The following DNAJC17 variants were observed in gnomAD, a reference collection of about 807,000 sequenced individuals.
DNAJC17 encodes the protein DnaJ heat shock protein family (Hsp40) member C17.
A neutral mutation model predicts 48.1 loss-of-function variants in DNAJC17; 35 were observed. That is an observed-to-expected ratio of 0.73 (90% CI 0.56 to 0.96). DNAJC17 has a LOEUF of 0.96. Among genes scored for constraint, DNAJC17 ranks in the 50% least tolerant of loss-of-function variants. DNAJC17 has a pLI of 0.00. For synonymous variants in DNAJC17, 117 were observed against 142.7 expected, an observed-to-expected ratio of 0.82 and a Z score of 1.28; for missense variants, 355 against 377.1, an observed-to-expected ratio of 0.94 and a Z score of 0.48.
At chr15:40,795,140 A>C (rs1308682089) in intron 1 of DNAJC17, among the ~76,000 whole-genome samples, 2 of 152,036 alleles carry the variant, frequency 1.3e-5, no homozygotes, top group Non-Finnish European at 2.9e-5. Flanking sequence ...GGCTGGGCAC[A>C]GTGGCTCACG....
intron 1 of DNAJC17, among the ~76,000 whole-genome samples, chr15:40,805,638 C>T (rs1323523287): frequency 6.6e-6 from 1 of 150,512 alleles, no homozygotes; most frequent in Non-Finnish European, 1.5e-5. Flanking sequence ...GTCAGGAGAT[C>T]GAGACCACGG....
intron 1 of DNAJC17, among the ~76,000 whole-genome samples, chr15:40,796,511 C>G (rs1889943286): frequency 6.6e-6 from 1 of 152,066 alleles, no homozygotes; most frequent in African/African-American, 2.4e-5. Flanking sequence ...CCCTGAAAAT[C>G]AGGAATGTGT....
chr15:40,771,310 G>C, intron 10 of DNAJC17: 1 of 444,392 alleles, frequency 2.3e-6, no homozygotes, highest in Non-Finnish European at 4.1e-6. Context: ...TGCCGGGAAA[G>C]GGAGGCTGTG....
chr15:40,807,064 C>T (rs1180093100), intron 1 of DNAJC17: 4 of 612,700 alleles, frequency 6.5e-6, no homozygotes, highest in South Asian at 2.1e-5. Context: ...GAGGCCGAGA[C>T]TGCGCAGGCG....
In DNAJC17 at chr15:40,777,365, CACAT is replaced by C. The variant is rs144206758; in HGVS notation, c.296-742_296-739del. On this transcript the variant is annotated intron_variant, in intron 4 of 10. Coordinates refer to ENST00000220496, the MANE Select transcript of DNAJC17 (RefSeq NM_018163.3). Reference sequence around the variant, plus strand: ...GAAATAGATATTGGGATGCTATATGCACATATTAAAATATATGGATGTTGAAGAG... The same window carrying C: ...GAAATAGATATTGGGATGCTATATGCATTAAAATATATGGATGTTGAAGAG... 4.9e-3 allele frequency among the ~76,000 whole-genome samples: 737 copies of C among 149,118 alleles called. 2 individuals are homozygous for C. Among genetic ancestry groups the C allele is most frequent in the Non-Finnish European group, 8.9e-3 (603 of 67,732 alleles).
intron 1 of DNAJC17, among the ~76,000 whole-genome samples, chr15:40,801,120 A>G (rs1890063605): frequency 6.6e-6 from 1 of 152,120 alleles, no homozygotes; most frequent in African/African-American, 2.4e-5. Flanking sequence ...TTTAGCTACT[A>G]CTTCATTCAT....
intron 1 of DNAJC17, among the ~76,000 whole-genome samples, chr15:40,798,512 G>C (rs549056001): frequency 6.6e-5 from 10 of 152,160 alleles, no homozygotes; most frequent in African/African-American, 2.2e-4. Flanking sequence ...TAAATTTTGC[G>C]TTAAATACAT....
chr15:40,806,946 G>T (rs147021183), intron 1 of DNAJC17: 209 of 310,752 alleles, frequency 6.7e-4, no homozygotes, highest in African/African-American at 4.4e-3. Context: ...GAGGCTTTGA[G>T]ATCTTACTTT....
intron 1 of DNAJC17, among the ~76,000 whole-genome samples, chr15:40,803,070 C>G (rs143518261): frequency 3.6e-4 from 55 of 150,690 alleles, no homozygotes; most frequent in African/African-American, 1.3e-3. Flanking sequence ...GCCACTGACT[C>G]CAGCGTGGGT....
In DNAJC17 at chr15:40,767,476, GCCCCAAAGGGCA is replaced by G; in HGVS notation, c.*452_*463del. Reference sequence around the variant, plus strand: ...CCAAATCATCACCGCCATGGGCCCAGCCCCAAAGGGCAGTGAATGGCCTTCTCTGAAACCCTG... The same window carrying G: ...CCAAATCATCACCGCCATGGGCCCAGGTGAATGGCCTTCTCTGAAACCCTG... On this transcript the variant is annotated 3_prime_UTR_variant, in exon 11 of 11. Coordinates refer to ENST00000220496, the MANE Select transcript of DNAJC17 (RefSeq NM_018163.3). 1 of 1,104,572 alleles carries G rather than the reference GCCCCAAAGGGCA, an allele frequency of 9.1e-7. No individual in the cohort carries two copies. The highest frequency in any genetic ancestry group is 1.7e-5 in the South Asian group (1 of 58,436). 68.4% of individuals were successfully genotyped at this position (1,104,572 alleles called of 1,614,324 possible). A position where few individuals can be genotyped will look rare whatever the true frequency, so the allele number is the denominator to read the frequency against.
rs545150592 is a variant in DNAJC17 at position 40,770,362 on chromosome 15, T to A, written c.793-2300A>T. On this transcript the variant is annotated intron_variant, in intron 10 of 10. Transcript: ENST00000220496. This position sits in a 1 kb window ranked among gnomAD's most constrained non-coding sequence, Gnocchi z 5.0. Reference sequence around the variant, plus strand: ...TCACCATCCAAGATGTGGTCAAAGGTCTGTGCTGAGTGGAAACCCTGAGGC... The same window carrying A: ...TCACCATCCAAGATGTGGTCAAAGGACTGTGCTGAGTGGAAACCCTGAGGC... 7.4e-5 allele frequency: 62 copies of A among 840,372 alleles called. 1 individual carries two copies. In the African/African-American group the frequency reaches 8.9e-4, roughly 12 times the overall value. 52.1% of individuals were successfully genotyped at this position (840,372 alleles called of 1,614,324 possible).
In DNAJC17 at chr15:40,766,828, G is replaced by A. The variant is rs553711617; in HGVS notation, c.*1112C>T. Reference sequence around the variant, plus strand: ...GTCTCTGTCGCCCAGGCTGGAGTGCGGTGGTGCAATCATGGCTCACTGCAG... The same window carrying A: ...GTCTCTGTCGCCCAGGCTGGAGTGCAGTGGTGCAATCATGGCTCACTGCAG... On this transcript the variant is annotated 3_prime_UTR_variant, in exon 11 of 11. Coordinates refer to ENST00000220496, the MANE Select transcript of DNAJC17 (RefSeq NM_018163.3). The A allele has an allele frequency of 3.0e-3, 470 of 157,306 alleles. 1 individual carries two copies. Among genetic ancestry groups the A allele is most frequent in the Non-Finnish European group, 4.4e-3 (313 of 71,582 alleles). The allele number at this position is 157,306 out of a possible 1,614,324, so 9.7% of individuals were successfully genotyped here.
chr15:40,765,947 C>G lies in DNAJC17; in HGVS notation c.*1993G>C. 3.2e-6 allele frequency: 4 copies of G among 1,255,210 alleles called. No homozygotes were observed. The highest frequency in any genetic ancestry group is 4.6e-6 in the Non-Finnish European group (4 of 876,738). 77.8% of individuals were successfully genotyped at this position (1,255,210 alleles called of 1,614,324 possible). On this transcript the variant is annotated 3_prime_UTR_variant, in exon 11 of 11. Coordinates refer to ENST00000220496, the MANE Select transcript of DNAJC17 (RefSeq NM_018163.3). ...GTAAGTAGCAGCCTCCCTCAGTATC[C>G]TCTCCCTGCCAGCCCCTAGACCTGC...
At chr15:40,779,661 TGCTCCCTC>T in intron 2 of DNAJC17, 58 bp from the exon 3 acceptor site, 1 of 1,545,718 alleles carries the variant, frequency 6.5e-7, no homozygotes, top group Admixed American at 2.0e-5. Context: ...CGTAATGGTG[TGCTCCCTC>T]AAAAAAAAAA....
chr15:40,790,708 A>G (rs1889776609), intron 1 of DNAJC17, among the ~76,000 whole-genome samples: 1 of 152,226 alleles, frequency 6.6e-6, no homozygotes, highest in Admixed American at 6.6e-5. Context: ...TGACCACCTC[A>G]CAGGCTTGCT....
chr15:40,771,212 C>T (rs1459370126), intron 10 of DNAJC17: 2 of 631,926 alleles, frequency 3.2e-6, no homozygotes, highest in African/African-American at 1.8e-5. Flanking sequence ...GACAGTCCTT[C>T]CAGGCACCCC....
At chr15:40,789,973 T>TAAC (rs1192739515) in intron 1 of DNAJC17, among the ~76,000 whole-genome samples, 16 of 91,196 alleles carry the variant, frequency 1.8e-4, no homozygotes, top group Non-Finnish European at 3.8e-4. Context: ...AATAACTAAA[T>TAAC]AACAATACTT....
intron 1 of DNAJC17, among the ~76,000 whole-genome samples, chr15:40,780,796 G>C (rs1328830248): frequency 6.6e-6 from 1 of 150,654 alleles, no homozygotes; most frequent in Non-Finnish European, 1.5e-5. Flanking sequence ...CCTGGCGACA[G>C]AGCAAGACTC....
intron 9 of DNAJC17, 58 bp from the exon 10 acceptor site, chr15:40,773,895 T>C (rs978888142): frequency 4.0e-5 from 58 of 1,460,152 alleles, no homozygotes; most frequent in Non-Finnish European, 3.2e-5. Context: ...AAAGAGGCTC[T>C]CTCTACCCCC....
Sources: gnomAD v4.1 joint callset for allele counts (sites outside exome capture counted in the v4.1 genomes callset) on GRCh38, gnomAD v4.1.1 for gene constraint, Gnocchi (gnomAD v3.1) non-coding constraint, MANE v1.5 for transcripts, NCBI Gene and HGNC (gene_info 2026-07-23, HGNC 2026-07-21) for gene names.